VMO1: variants seen among roughly 807,000 people sequenced by gnomAD.
The protein encoded by VMO1 is vitelline membrane outer layer protein 1 homolog.
In VMO1, 13 loss-of-function variants were observed where a neutral mutation model predicts 10.1. The ratio of observed to expected loss-of-function variants is 1.29; its 90% confidence interval spans 0.84 to 2.05. The LOEUF is 2.05. Among genes scored for constraint, VMO1 ranks in the 30% most tolerant of loss-of-function variants. The pLI, the probability that VMO1 is intolerant of heterozygous loss-of-function variation, is 0.00. For synonymous variants in VMO1, 117 were observed against 122.2 expected, an observed-to-expected ratio of 0.96 and a Z score of 0.28; for missense variants, 304 against 276.9, an observed-to-expected ratio of 1.10 and a Z score of -0.70.
rs1198589039 is a variant in VMO1 at position 4,785,497 on chromosome 17, G to A, written c.474C>T (p.Ser158=). 6 of 1,614,118 alleles carry A rather than the reference G, an allele frequency of 3.7e-6. No individual in the cohort carries two copies. In the East Asian group the frequency reaches 8.9e-5, roughly 24 times the overall value. ...CACTCCAGTCTCCAAAGTCTCCCCA[G>A]CTCAGCCCAGGCCCCTGCAGTTCCT... is the stretch of plus-strand genomic sequence containing the variant. ...DGEELQGPGL[S]WGDFGDWSDH... Residue 158 remains serine, a synonymous_variant, in exon 3 of 3, where the codon AGC becomes AGT. Coordinates refer to ENST00000328739, the MANE Select transcript of VMO1 (RefSeq NM_182566.3).
At chr17:4,785,711 C>G (rs1567710317) in intron 2 of VMO1, 52 bp from the exon 3 acceptor site, 1 of 1,548,646 alleles carries the variant, frequency 6.5e-7, no homozygotes. Flanking sequence ...ATTCACCAAG[C>G]CCTTGAGACT....
At position 4,786,052 on chromosome 17, in the gene VMO1, C is replaced by T; in HGVS notation, c.196G>A (p.Val66Met). The change falls in exon 2 of 3, where the codon GTG becomes ATG. Residue 66 changes from valine (V) to methionine (M), a missense_variant and splice_region_variant. Physicochemically the swap from Val to Met is conservative, Grantham distance 21. Transcript: ENST00000328739. ...CCAGGAATGCCTTGGGGAGGCTCCA[C>T]CTGGGTATCGAGGAGAGGGGCAAGG... is the stretch of plus-strand genomic sequence containing the variant. ...GFFASGFSLK[V>M]EPPQGIPGDD... 1.2e-6 allele frequency: 2 copies of T among 1,614,196 alleles called. No homozygotes were observed. The highest frequency in any genetic ancestry group is 1.3e-5 in the African/African-American group (1 of 75,060).
In VMO1 at chr17:4,785,342, AGCGGCG is replaced by A. The variant is rs759946710; in HGVS notation, c.*14_*19del. 1 of 1,592,142 alleles carries A rather than the reference AGCGGCG, an allele frequency of 6.3e-7. No homozygotes were observed. The highest frequency in any genetic ancestry group is 8.6e-7 in the Non-Finnish European group (1 of 1,168,030). Reference sequence around the variant, plus strand: ...GGACTAGCCTCCTGGCCCGGGAGAGAGCGGCGGCGGCGGCGCCGTTCAACTGCGGCA... The same window carrying A: ...GGACTAGCCTCCTGGCCCGGGAGAGAGCGGCGGCGCCGTTCAACTGCGGCA... On this transcript the variant is annotated 3_prime_UTR_variant, in exon 3 of 3. Coordinates refer to ENST00000328739, the MANE Select transcript of VMO1 (RefSeq NM_182566.3).
In VMO1 at chr17:4,785,770, G is replaced by C. The variant is rs1043247308; in HGVS notation, c.312-111C>G. Reference sequence around the variant, plus strand: ...TGACCTGGTGGGCTGGGTGCTCCCCGACCTCCGCCGAGGAGCGGAGGAGGG... The same window carrying C: ...TGACCTGGTGGGCTGGGTGCTCCCCCACCTCCGCCGAGGAGCGGAGGAGGG... On this transcript the variant is annotated intron_variant, in intron 2 of 2. Coordinates refer to ENST00000328739, the MANE Select transcript of VMO1 (RefSeq NM_182566.3). The C allele has an allele frequency of 8.0e-6, 12 of 1,507,620 alleles. No individual in the cohort carries two copies. The Admixed American group carries it at 1.3e-4, about 16-fold the overall frequency. The allele number at this position is 1,507,620 out of a possible 1,614,324, so 93.4% of individuals were successfully genotyped here. A position where few individuals can be genotyped will look rare whatever the true frequency, so the allele number is the denominator to read the frequency against.
intron 1 of VMO1, 25 bp from the exon 2 acceptor site, chr17:4,786,077 G>C: frequency 6.2e-7 from 1 of 1,614,020 alleles, no homozygotes; most frequent in South Asian, 1.1e-5. Flanking sequence ...GAGGGGCAAG[G>C]GCGAGTCACG....
At chr17:4,785,836 C>G (rs995375836) in intron 2 of VMO1, 101 bp downstream of exon 2, 31 of 1,570,110 alleles carry the variant, frequency 2.0e-5, no homozygotes, top group Middle Eastern at 3.5e-4. Context: ...TATACTGCCC[C>G]GTAGCTCTGG....
intron 1 of VMO1, 33 bp downstream of exon 1, chr17:4,786,125 C>T: frequency 6.2e-7 from 1 of 1,611,020 alleles, no homozygotes; most frequent in Non-Finnish European, 8.5e-7. Context: ...CACGCATCTC[C>T]GCCCTCTCCA....
rs1380045536 is a variant in VMO1, at chr17:4,786,346, G to T, written c.7C>A (p.Arg3=). ME[R]GAGAKLLPLL... ...GGCAGCAGCTTGGCTCCTGCGCCCCGCTCCATCCTGTAGCGTCTGTGAATC... is the reference window on the plus strand; with the variant it reads ...GGCAGCAGCTTGGCTCCTGCGCCCCTCTCCATCCTGTAGCGTCTGTGAATC... Residue 3 remains arginine (R), a synonymous_variant, in exon 1 of 3, where the codon CGG becomes AGG. Coordinates refer to ENST00000328739, the MANE Select transcript of VMO1 (RefSeq NM_182566.3). The T allele has an allele frequency of 6.4e-7, 1 of 1,569,586 alleles. No individual in the cohort carries two copies. The highest frequency in any genetic ancestry group is 8.6e-7 in the Non-Finnish European group (1 of 1,163,150).
rs750886340 is a variant in VMO1 at position 4,785,406 on chromosome 17, C to T, written c.565G>A (p.Asp189Asn). 1 of 1,614,086 alleles carries T rather than the reference C, an allele frequency of 6.2e-7. No individual in the cohort carries two copies. The highest frequency in any genetic ancestry group is 8.5e-7 in the Non-Finnish European group (1 of 1,179,998). ...KIQGPRGLGDDTALNDARLFC... is the reference protein window; with the variant it reads ...KIQGPRGLGDNTALNDARLFC... The stretch of plus-strand genomic sequence containing the variant: ...AAGCGCGCGTCGTTCAGCGCAGTGT[C>T]ATCGCCGAGGCCTCTAGGTCCCTGG... Residue 189 changes from aspartate to asparagine, a missense_variant, in exon 3 of 3, where the codon GAC (aspartate) becomes AAC (asparagine). Asp to Asn is a conservative substitution (Grantham distance 23). Transcript: ENST00000328739.
rs1235967003 is a variant in VMO1, at chr17:4,785,440, CT to C, written c.530del (p.Gln177ArgfsTer16). ...DHCPKGACGL[Q>X]TKIQGPRGLG... is the part of the protein sequence containing the mutation. ...GGCCTCTAGGTCCCTGGATCTTGGT[CT>C]GCAGGCCGCACGCGCCCTTGGGGCA... is the stretch of plus-strand genomic sequence containing the variant. On this transcript the variant is annotated frameshift_variant, in exon 3 of 3. Transcript: ENST00000328739. LOFTEE classifies it low-confidence loss of function (END_TRUNC). 2 of 1,614,228 alleles carry C rather than the reference CT, an allele frequency of 1.2e-6. No individual in the cohort carries two copies. The highest frequency in any genetic ancestry group is 3.3e-5 in the Admixed American group (2 of 60,034).
At chr17:4,785,779 C>A in intron 2 of VMO1, 120 bp from the exon 3 acceptor site, 1 of 1,510,118 alleles carries the variant, frequency 6.6e-7, no homozygotes, top group South Asian at 1.2e-5. Context: ...CGACCTCCGC[C>A]GAGGAGCGGA....
chr17:4,786,250 C>T lies in VMO1; in HGVS notation c.103G>A (p.Val35Ile), dbSNP rs140581643. The change falls in exon 1 of 3, where the codon GTC (valine) becomes ATC (isoleucine). Residue 35 changes from valine (V) to isoleucine (I), a missense_variant. Val to Ile is a conservative substitution (Grantham distance 29, BLOSUM62 3). Transcript: ENST00000328739. ...GGACCCCCGCTGGTCACTTCGATGA[C>T]CGCCGTGTAGCCGTTCCGGCCATCT... ...QTDGRNGYTA[V>I]IEVTSGGPWG... 1.4e-5 allele frequency: 23 copies of T among 1,612,094 alleles called. No individual in the cohort carries two copies. In the African/African-American group the frequency reaches 2.7e-4, roughly 19 times the overall value.
At position 4,786,261 on chromosome 17, in the gene VMO1, C is replaced by G; in HGVS notation, c.92G>C (p.Gly31Ala). 6.2e-7 allele frequency: 1 copy of G among 1,612,056 alleles called. No homozygotes were observed. The highest frequency in any genetic ancestry group is 8.5e-7 in the Non-Finnish European group (1 of 1,179,564). The change falls in exon 1 of 3, where the codon GGC becomes GCC. Residue 31 changes from glycine to alanine, a missense_variant. Gly to Ala is a moderately conservative substitution (Grantham distance 60). Transcript: ENST00000328739. ...FTCAQTDGRNGYTAVIEVTSG... is the reference protein window; with the variant it reads ...FTCAQTDGRNAYTAVIEVTSG... The stretch of plus-strand genomic sequence containing the variant: ...GGTCACTTCGATGACCGCCGTGTAG[C>G]CGTTCCGGCCATCTGTCTGTGCACA...
rs1195353929 is a variant in VMO1, at chr17:4,786,012, A to T, written c.236T>A (p.Leu79Gln). The change falls in exon 2 of 3, where the codon CTG becomes CAG. Residue 79 changes from leucine to glutamine, a missense_variant. By Grantham distance (113) the Leu-to-Gln change is moderately radical. Coordinates refer to ENST00000328739, the MANE Select transcript of VMO1 (RefSeq NM_182566.3). ...CGCGCAGTGCAGCCTGATCCCATTC[A>T]GTGCAGTGTCGTCGCCAGGAATGCC... ...PQGIPGDDTA[L>Q]NGIRLHCARG... The T allele has an allele frequency of 4.3e-6, 7 of 1,614,176 alleles. No individual in the cohort carries two copies. In the East Asian group the frequency reaches 8.9e-5, roughly 21 times the overall value.
chr17:4,786,111 G>A, intron 1 of VMO1, 47 bp downstream of exon 1: 2 of 1,612,332 alleles, frequency 1.2e-6, no homozygotes, highest in East Asian at 2.2e-5. Context: ...TGGCTCTATG[G>A]TCCCACGCAT....
At position 4,785,956 on chromosome 17, in the gene VMO1, C is replaced by G; in HGVS notation, c.292G>C (p.Val98Leu). 1 of 1,614,186 alleles carries G rather than the reference C, an allele frequency of 6.2e-7. No individual in the cohort carries two copies. The highest frequency in any genetic ancestry group is 8.5e-7 in the Non-Finnish European group (1 of 1,180,028). Reference protein sequence around the residue: ...RGNVLGNTHVVESQSGSWGEW... With the variant: ...RGNVLGNTHVLESQSGSWGEW... ...CCCCACCTTCCAGACTGGGACTCTA[C>G]CACGTGCGTATTGCCTAGGACGTTC... Residue 98 changes from valine to leucine, a missense_variant, in exon 2 of 3, where the codon GTA becomes CTA. Val to Leu is a conservative substitution (Grantham distance 32). Transcript: ENST00000328739.
Position 4,786,244 on chromosome 17 carries a change from C to T in VMO1, c.109G>A (p.Glu37Lys), listed in dbSNP as rs749330135. ...CCCCAGGGACCCCCGCTGGTCACTT[C>T]GATGACCGCCGTGTAGCCGTTCCGG... ...DGRNGYTAVI[E>K]VTSGGPWGDW... Residue 37 changes from glutamate (E) to lysine (K), a missense_variant, in exon 1 of 3, where the codon GAA (glutamate) becomes AAA (lysine). Glu to Lys is a moderately conservative substitution (Grantham distance 56). Transcript: ENST00000328739. The T allele has an allele frequency of 6.2e-7, 1 of 1,612,106 alleles. No homozygotes were observed. The highest frequency in any genetic ancestry group is 8.5e-7 in the Non-Finnish European group (1 of 1,179,262).
Position 4,785,299 on chromosome 17 carries a change from C to T in VMO1, c.*63G>A. On this transcript the variant is annotated 3_prime_UTR_variant, in exon 3 of 3. Coordinates refer to ENST00000328739, the MANE Select transcript of VMO1 (RefSeq NM_182566.3). ...CGAGACCAAAGTCAACTCAGAGAAG[C>T]TTTAATAGCAAGAGGTGGGACTAGC... The T allele has an allele frequency of 6.5e-7, 1 of 1,526,740 alleles. No homozygotes were observed. The highest frequency in any genetic ancestry group is 8.7e-7 in the Non-Finnish European group (1 of 1,143,200). 94.6% of individuals were successfully genotyped at this position (1,526,740 alleles called of 1,614,324 possible).
rs777243796 is a variant in VMO1 at position 4,785,954 on chromosome 17, T to C, written c.294A>G (p.Val98=). ...CGCCCCACCTTCCAGACTGGGACTCTACCACGTGCGTATTGCCTAGGACGT... is the reference window on the plus strand; with the variant it reads ...CGCCCCACCTTCCAGACTGGGACTCCACCACGTGCGTATTGCCTAGGACGT... The part of the protein sequence containing the change: ...RGNVLGNTHV[V]ESQSGSWGEW... The change falls in exon 2 of 3, where the codon GTA becomes GTG. Residue 98 remains valine, a synonymous_variant. Coordinates refer to ENST00000328739, the MANE Select transcript of VMO1 (RefSeq NM_182566.3). The C allele has an allele frequency of 2.5e-6, 4 of 1,614,176 alleles. No homozygotes were observed. The Admixed American group carries it at 6.7e-5, about 27-fold the overall frequency.
Sources: allele counts gnomAD v4.1 joint callset, GRCh38; gene constraint gnomAD v4.1.1; transcripts MANE v1.5; gene names NCBI Gene and HGNC (gene_info 2026-07-23, HGNC 2026-07-21).